The following LINGO2 variants were observed in gnomAD, a reference collection of about 807,000 sequenced individuals.
LINGO2 encodes leucine rich repeat and Ig domain containing 2, also known as leucine-rich repeat and immunoglobulin-like domain-containing nogo receptor-interacting protein 2.
LINGO2 carries 14 observed loss-of-function variants against 30.6 expected under a neutral mutation model. That is an observed-to-expected ratio of 0.46 (90% CI 0.30 to 0.72). The LOEUF (loss-of-function observed/expected upper bound fraction) is 0.72. Among genes scored for constraint, LINGO2 ranks in the 30% least tolerant of loss-of-function variants. The pLI, the probability that LINGO2 is intolerant of heterozygous loss-of-function variation, is 0.07. For missense variants in LINGO2, 729 were observed against 751.7 expected, an observed-to-expected ratio of 0.97 and a Z score of 0.35; for synonymous variants, 317 against 288.5, an observed-to-expected ratio of 1.10 and a Z score of -1.00.
At chr9:28,628,162 T>C (rs1319882675) in intron 1 of LINGO2, among the ~76,000 whole-genome samples, 1 of 152,052 alleles carries the variant, frequency 6.6e-6, no homozygotes, top group Non-Finnish European at 1.5e-5. Flanking sequence ...CTCAAAACCA[T>C]GCAGCAGATT....
the LINGO2 span, among the ~76,000 whole-genome samples, chr9:29,186,715 T>C: frequency 3.3e-5 from 5 of 152,030 alleles, no homozygotes; most frequent in Admixed American, 2.0e-4. Context: ...TAAGGCATAC[T>C]AGCTACAGTC....
intron 1 of LINGO2, among the ~76,000 whole-genome samples, chr9:28,550,087 TA>T (rs1440513781): frequency 2.0e-5 from 3 of 151,938 alleles, no homozygotes; most frequent in Non-Finnish European, 2.9e-5. Flanking sequence ...TCAATGTGTC[TA>T]AATTTGGATT....
intron 1 of LINGO2, among the ~76,000 whole-genome samples, chr9:28,604,570 G>T (rs541775404): frequency 6.6e-6 from 1 of 152,064 alleles, no homozygotes; most frequent in South Asian, 2.1e-4. Context: ...AGGAAAAAGG[G>T]TGGGAAGTAT....
the LINGO2 span, among the ~76,000 whole-genome samples, chr9:29,090,989 C>G: frequency 1.6e-4 from 25 of 152,088 alleles, no homozygotes; most frequent in Admixed American, 1.4e-3. Flanking sequence ...ATTTATATTT[C>G]TCTCCAGATT....
the LINGO2 span, among the ~76,000 whole-genome samples, chr9:29,015,667 A>C: frequency 7.9e-5 from 12 of 152,132 alleles, no homozygotes; most frequent in African/African-American, 2.2e-4. Context: ...TCTATAGATT[A>C]AAAAAATATA....
intron 2 of LINGO2, among the ~76,000 whole-genome samples, chr9:28,374,692 C>T (rs16912778): frequency 0.51 from 77,077 of 151,922 alleles, 20,962 homozygotes; most frequent in Non-Finnish European, 0.59. Context: ...TAAGCAACTA[C>T]TGATCACCCA....
At chr9:28,173,815 C>G (rs1242956710) in intron 4 of LINGO2, among the ~76,000 whole-genome samples, 1 of 152,134 alleles carries the variant, frequency 6.6e-6, no homozygotes, top group Non-Finnish European at 1.5e-5. Flanking sequence ...TAGGTTTTAT[C>G]TTATTGAGCC....
chr9:28,989,940 G>A, the LINGO2 span, among the ~76,000 whole-genome samples: 416 of 152,214 alleles, frequency 2.7e-3, 3 homozygotes, highest in African/African-American at 9.6e-3. Context: ...GAACAGCTCC[G>A]GTCTACAGCT....
At chr9:28,365,679 G>A (rs931411126) in intron 3 of LINGO2, among the ~76,000 whole-genome samples, 3 of 151,946 alleles carry the variant, frequency 2.0e-5, no homozygotes, top group African/African-American at 7.3e-5. Flanking sequence ...TTCTTCACCT[G>A]CTTTGGGGTT....
chr9:28,144,309 T>G (rs1827754554), intron 4 of LINGO2, among the ~76,000 whole-genome samples: 2 of 152,184 alleles, frequency 1.3e-5, no homozygotes, highest in African/African-American at 4.8e-5. Flanking sequence ...TATTACAGTA[T>G]TTCTCAAACC....
intron 3 of LINGO2, among the ~76,000 whole-genome samples, chr9:28,303,320 G>C (rs1295465776): frequency 1.3e-5 from 2 of 152,130 alleles, no homozygotes; most frequent in African/African-American, 2.4e-5. Flanking sequence ...TAATCTTGGA[G>C]GGAAGGAAAG....
chr9:27,973,287 C>T (rs1318681461), intron 5 of LINGO2, among the ~76,000 whole-genome samples: 1 of 152,122 alleles, frequency 6.6e-6, no homozygotes, highest in African/African-American at 2.4e-5. Context: ...TTTTAGTATA[C>T]TAAGAAGTCA....
chr9:29,212,110 G>A, the LINGO2 span, among the ~76,000 whole-genome samples: 2 of 152,168 alleles, frequency 1.3e-5, no homozygotes, highest in African/African-American at 4.8e-5. Context: ...TGCCCTCAGG[G>A]TGCGGGTCAG....
the LINGO2 span, among the ~76,000 whole-genome samples, chr9:29,017,894 A>G: frequency 6.6e-6 from 1 of 151,910 alleles, no homozygotes; most frequent in Non-Finnish European, 1.5e-5. Flanking sequence ...GCTCAGCGTC[A>G]GCCCCAGTAG....
chr9:28,272,871 A>T (rs1438580264), intron 4 of LINGO2, among the ~76,000 whole-genome samples: 1 of 152,124 alleles, frequency 6.6e-6, no homozygotes, highest in Non-Finnish European at 1.5e-5. Context: ...ATCTCCAAGG[A>T]CAGGTACCCC....
chr9:28,491,210 A>C (rs1826382584), intron 1 of LINGO2, among the ~76,000 whole-genome samples: 1 of 152,190 alleles, frequency 6.6e-6, no homozygotes, highest in Admixed American at 6.6e-5. Flanking sequence ...ATCAAGGTGT[A>C]TGCAGGGCTG....
At chr9:28,413,365 C>T (rs1259172498) in intron 2 of LINGO2, among the ~76,000 whole-genome samples, 1 of 152,086 alleles carries the variant, frequency 6.6e-6, no homozygotes, top group Non-Finnish European at 1.5e-5. Flanking sequence ...ACATGTAGGT[C>T]TTTATTCATA....
chr9:29,184,866 T>G, the LINGO2 span, among the ~76,000 whole-genome samples: 1 of 152,228 alleles, frequency 6.6e-6, no homozygotes, highest in Non-Finnish European at 1.5e-5. Context: ...TAAAGTTTAT[T>G]ACATATACAG....
intron 4 of LINGO2, among the ~76,000 whole-genome samples, chr9:28,280,896 C>T (rs1823299205): frequency 6.6e-6 from 1 of 152,164 alleles, no homozygotes; most frequent in Admixed American, 6.5e-5. Context: ...TTGACTAAGA[C>T]TAGCATATTA....
Sources: gnomAD v4.1 joint callset for allele counts (sites outside exome capture counted in the v4.1 genomes callset) on GRCh38, gnomAD v4.1.1 for gene constraint, MANE v1.5 for transcripts, NCBI Gene and HGNC (gene_info 2026-07-23, HGNC 2026-07-21) for gene names.